The following CELA1 variants were observed in gnomAD, a reference collection of about 807,000 sequenced individuals.
The protein encoded by CELA1 is chymotrypsin like elastase 1, also known as chymotrypsin-like elastase family member 1.
A neutral mutation model predicts 34.8 loss-of-function variants in CELA1; 28 were observed. That is an observed-to-expected ratio of 0.80 (90% CI 0.60 to 1.10). The LOEUF (loss-of-function observed/expected upper bound fraction) is 1.10, where lower values mean the gene tolerates loss of function less well. Ranked by LOEUF, CELA1 falls within the 50% of genes least tolerant of loss-of-function variation. The pLI, the probability that CELA1 is intolerant of heterozygous loss-of-function variation, is 0.00. For missense variants in CELA1, 288 were observed against 327.5 expected (o/e 0.88, Z 0.93); for synonymous variants, 140 against 129.8 (o/e 1.08, Z -0.53).
chr12:51,338,007 C>T (rs927372941), intron 6 of CELA1, among the ~76,000 whole-genome samples: 3 of 151,390 alleles, frequency 2.0e-5, no homozygotes, highest in Admixed American at 6.6e-5. Context: ...AGGTGGATCA[C>T]GAGGTCAGGA....
At chr12:51,339,098 C>T (rs1946517498) in intron 6 of CELA1, among the ~76,000 whole-genome samples, 1 of 152,188 alleles carries the variant, frequency 6.6e-6, no homozygotes, top group African/African-American at 2.4e-5. Context: ...ATCAAACTCA[C>T]CTGTACATAC....
chr12:51,328,672 A>C, intron 7 of CELA1, 78 bp from the exon 8 acceptor site: 1 of 1,539,666 alleles, frequency 6.5e-7, no homozygotes, highest in East Asian at 2.2e-5. Context: ...CTCCCAGTTA[A>C]GTATGGTTTT....
intron 7 of CELA1, among the ~76,000 whole-genome samples, chr12:51,328,813 G>A (rs968579407): frequency 6.6e-6 from 1 of 152,186 alleles, no homozygotes; most frequent in African/African-American, 2.4e-5. Context: ...CCTTGAAATG[G>A]CCGTGAGCCA....
chr12:51,329,875 G>C (rs370854303), intron 6 of CELA1, 42 bp from the exon 7 acceptor site: 2 of 1,549,186 alleles, frequency 1.3e-6, no homozygotes, highest in Non-Finnish European at 8.7e-7. Context: ...CCAGATCTTC[G>C]GGCTTTTGCT....
chr12:51,332,664 A>G (rs1946476937), intron 6 of CELA1, among the ~76,000 whole-genome samples: 1 of 152,096 alleles, frequency 6.6e-6, no homozygotes, highest in East Asian at 1.9e-4. Context: ...CAGGAGTTTG[A>G]GACCAGCCTG....
At chr12:51,343,699 G>A in intron 3 of CELA1, 54 bp downstream of exon 3, 1 of 1,074,096 alleles carries the variant, frequency 9.3e-7, no homozygotes, top group South Asian at 1.3e-5. Flanking sequence ...CTTTCAGAAG[G>A]TCAGCCCCTT....
At chr12:51,329,963 C>T (rs1946460426) in intron 6 of CELA1, 130 bp from the exon 7 acceptor site, 6 of 699,056 alleles carry the variant, frequency 8.6e-6, no homozygotes, top group Non-Finnish European at 1.4e-5. Flanking sequence ...CCACCTCCTT[C>T]ATGTCCCCAC....
chr12:51,329,253 C>A (rs1288257597), intron 7 of CELA1, among the ~76,000 whole-genome samples: 908 of 101,180 alleles, frequency 9.0e-3, no homozygotes, highest in South Asian at 0.012. Flanking sequence ...GACTCTGTCT[C>A]AAAAAAAAAA....
At chr12:51,339,375 A>C (rs1946519072) in intron 6 of CELA1, among the ~76,000 whole-genome samples, 2 of 152,158 alleles carry the variant, frequency 1.3e-5, no homozygotes, top group African/African-American at 2.4e-5. Context: ...ACATGGAGAA[A>C]CCCTGTCTCT....
chr12:51,343,938 T>A, intron 2 of CELA1, 85 bp from the exon 3 acceptor site: 1 of 727,630 alleles, frequency 1.4e-6, no homozygotes, highest in Non-Finnish European at 2.4e-6. Flanking sequence ...CTCATGCCAG[T>A]AATCCCAGAA....
chr12:51,340,388 C>CTTTT (rs11315182), intron 5 of CELA1, among the ~76,000 whole-genome samples: 21 of 121,518 alleles, frequency 1.7e-4, no homozygotes, highest in African/African-American at 3.3e-4. Flanking sequence ...TTCTTTCTTT[C>CTTTT]TTTTTTTTTT....
At position 51,343,792 on chromosome 12, in the gene CELA1, C is replaced by T. The variant is rs1206365073; in HGVS notation, c.161G>A (p.Arg54Lys). The change falls in exon 3 of 8, where the codon AGA becomes AAA. Residue 54 changes from arginine to lysine, a missense_variant. Coordinates refer to ENST00000293636, the MANE Select transcript of CELA1 (RefSeq NM_001971.6). ...AGCAGCTGTCATCACCCAGTTCTGT[C>T]TGATAAGGGTCCCTCCACAGGTGTG... ...RYHTCGGTLI[R>K]QNWVMTAAHC... The T allele has an allele frequency of 6.2e-7, 1 of 1,610,540 alleles. No individual in the cohort carries two copies. The highest frequency in any genetic ancestry group is 1.3e-5 in the African/African-American group (1 of 74,868).
rs1046445930 is a variant in CELA1, at chr12:51,333,081, C to T, written c.610-3248G>A. On this transcript the variant is annotated intron_variant, in intron 6 of 7. Transcript: ENST00000293636. The stretch of plus-strand genomic sequence containing the variant: ...AGTAGCTGGGAGTATAGATGTGTAG[C>T]CCCACTCCCCGTTAATTTTTTTTTT... Among the ~76,000 whole-genome samples, 6 of 145,414 alleles carry T rather than the reference C, an allele frequency of 4.1e-5. No homozygotes were observed. The Admixed American group carries it at 4.2e-4, about 10-fold the overall frequency.
rs781636321 is a variant in CELA1, at chr12:51,339,921, C to T, written c.548G>A (p.Gly183Asp). The T allele has an allele frequency of 2.5e-6, 4 of 1,613,984 alleles. No homozygotes were observed. Among genetic ancestry groups the T allele is most frequent in the Middle Eastern group, 1.6e-4 (1 of 6,080 alleles). ...CACCATGGTGTTCTTCACAGTGGAG[C>T]CCCAGTAGGAGGAGCTGGAGCAGAT... is the stretch of plus-strand genomic sequence containing the variant. Reference protein sequence around the residue: ...YAICSSSSYWGSTVKNTMVCA... With the variant: ...YAICSSSSYWDSTVKNTMVCA... Residue 183 changes from glycine (G) to aspartate (D), a missense_variant, in exon 6 of 8, where the codon GGC (glycine) becomes GAC (aspartate). Gly to Asp is a moderately conservative substitution (Grantham distance 94, BLOSUM62 -1). Coordinates refer to ENST00000293636, the MANE Select transcript of CELA1 (RefSeq NM_001971.6).
At chr12:51,329,138 C>A (rs1050607827) in intron 7 of CELA1, among the ~76,000 whole-genome samples, 3 of 151,092 alleles carry the variant, frequency 2.0e-5, no homozygotes, top group Non-Finnish European at 4.4e-5. Context: ...CCTATAATCC[C>A]AACTACTTGG....
At chr12:51,340,852 T>C (rs1946529968) in intron 5 of CELA1, among the ~76,000 whole-genome samples, 4 of 152,054 alleles carry the variant, frequency 2.6e-5, no homozygotes, top group African/African-American at 9.7e-5. Flanking sequence ...CAAAAAAATT[T>C]AAAAATTAGC....
Position 51,329,705 on chromosome 12 carries a change from A to C in CELA1, c.738T>G (p.Ala246=). 6.2e-7 allele frequency: 1 copy of C among 1,612,214 alleles called. No homozygotes were observed. The highest frequency in any genetic ancestry group is 8.5e-7 in the Non-Finnish European group (1 of 1,179,344). ...TCACATTATTTATCCAGGAGATGTAAGCAGAGACCTGGGTGAAGACTGTAG... is the reference window on the plus strand; with the variant it reads ...TCACATTATTTATCCAGGAGATGTACGCAGAGACCTGGGTGAAGACTGTAG... ...RKPTVFTQVS[A]YISWINNVIA... The change falls in exon 7 of 8, where the codon GCT becomes GCG. Residue 246 remains alanine (A), a synonymous_variant. Coordinates refer to ENST00000293636, the MANE Select transcript of CELA1 (RefSeq NM_001971.6).
intron 6 of CELA1, among the ~76,000 whole-genome samples, chr12:51,330,798 A>G (rs955451761): frequency 6.6e-6 from 1 of 151,298 alleles, no homozygotes; most frequent in Non-Finnish European, 1.5e-5. Context: ...GTGAAACCCC[A>G]TCTCTACTAA....
intron 6 of CELA1, among the ~76,000 whole-genome samples, chr12:51,336,770 C>G (rs1278531565): frequency 6.6e-6 from 1 of 152,208 alleles, no homozygotes; most frequent in Non-Finnish European, 1.5e-5. Context: ...CAACAGTGCC[C>G]TCCCCCAAAT....
Sources: gnomAD v4.1 joint callset for allele counts (sites outside exome capture counted in the v4.1 genomes callset) on GRCh38, gnomAD v4.1.1 for gene constraint, MANE v1.5 for transcripts, NCBI Gene and HGNC (gene_info 2026-07-23, HGNC 2026-07-21) for gene names.